ERP29: variants seen among roughly 807,000 people sequenced by gnomAD.
ERP29 encodes endoplasmic reticulum resident protein 29.
Under a neutral mutation model 21.7 loss-of-function variants are expected in ERP29, and 14 were observed. That is an observed-to-expected ratio of 0.64 (90% CI 0.43 to 1.01). The LOEUF (loss-of-function observed/expected upper bound fraction) is 1.01. Ranked by LOEUF, ERP29 falls within the 50% of genes least tolerant of loss-of-function variation. ERP29 has a pLI of 0.00. For missense variants in ERP29, 286 were observed against 327.3 expected (o/e 0.87, Z 0.97); for synonymous variants, 129 against 139.1 (o/e 0.93, Z 0.51).
chr12:112,013,708 T>G (rs1252824593), intron 1 of ERP29, 99 bp downstream of exon 1: 2 of 1,319,164 alleles, frequency 1.5e-6, no homozygotes, highest in Non-Finnish European at 2.0e-6. Flanking sequence ...TGACGGGAGG[T>G]GGTCTGTAGC....
Position 112,022,289 on chromosome 12 carries a change from C to G in ERP29, c.423C>G (p.Ile141Met), listed in dbSNP as rs1165770208. The stretch of plus-strand genomic sequence containing the variant: ...CTGGGGCAGTTAAGGTTGGAGCCAT[C>G]CAGCGCTGGCTGAAGGGGCAAGGGG... ...PYTGAVKVGA[I>M]QRWLKGQGVY... The change falls in exon 3 of 3, where the codon ATC (isoleucine) becomes ATG (methionine). Residue 141 changes from isoleucine (I) to methionine (M), a missense_variant. Transcript: ENST00000261735. 2.5e-6 allele frequency: 4 copies of G among 1,612,686 alleles called. No homozygotes were observed. The South Asian group carries it at 4.4e-5, about 18-fold the overall frequency.
chr12:112,014,799 AGTT>A (rs1214122515), intron 1 of ERP29: 2 of 152,242 alleles, frequency 1.3e-5, no homozygotes, highest in African/African-American at 2.4e-5. Context: ...ACCAAGAAGT[AGTT>A]GTCTCCAGTG....
chr12:112,013,649 G>C (rs1273728010), intron 1 of ERP29, 40 bp downstream of exon 1: 2 of 1,503,458 alleles, frequency 1.3e-6, no homozygotes, highest in African/African-American at 2.8e-5. Context: ...GTGCCGCCGG[G>C]GCGCCCGGAA....
chr12:112,017,783 C>CTTTTTTT (rs1179680378), intron 1 of ERP29, among the ~76,000 whole-genome samples: 3 of 124,150 alleles, frequency 2.4e-5, no homozygotes, highest in East Asian at 2.2e-4. Flanking sequence ...CTTTTTTTTT[C>CTTTTTTT]TTTTTTTTTT....
chr12:112,016,565 G>C lies in ERP29; in HGVS notation c.144+2956G>C, dbSNP rs188349175. On this transcript the variant is annotated intron_variant, in intron 1 of 2. Transcript: ENST00000261735. Reference sequence around the variant, plus strand: ...GTAATGGTAGAGCTGATTCCCACTAGCCCATTGGACACCAAGGGCTGGTAG... The same window carrying C: ...GTAATGGTAGAGCTGATTCCCACTACCCCATTGGACACCAAGGGCTGGTAG... Among the ~76,000 whole-genome samples, 517 of 152,268 alleles carry C rather than the reference G, an allele frequency of 3.4e-3. 1 individual carries two copies. Among genetic ancestry groups the C allele is most frequent in the Non-Finnish European group, 5.3e-3 (358 of 68,022 alleles).
intron 1 of ERP29, chr12:112,018,939 A>G (rs1350044569): frequency 6.6e-6 from 1 of 152,314 alleles, no homozygotes; most frequent in Non-Finnish European, 1.5e-5. Flanking sequence ...CCATCAGAAT[A>G]GACAAATCTA....
intron 1 of ERP29, chr12:112,014,781 G>A (rs2077992108): frequency 6.6e-6 from 1 of 152,272 alleles, no homozygotes; most frequent in Non-Finnish European, 1.5e-5. Flanking sequence ...TCATTGTGGG[G>A]AAGTGAAACC....
rs2136783417 is a variant in ERP29 at position 112,022,949 on chromosome 12, A to C, written c.*297A>C. 3.5e-6 allele frequency: 1 copy of C among 288,428 alleles called. No individual in the cohort carries two copies. Among genetic ancestry groups the C allele is most frequent in the Non-Finnish European group, 6.4e-6 (1 of 155,734 alleles). The allele number at this position is 288,428 out of a possible 1,614,324, so 17.9% of individuals were successfully genotyped here. A position where few individuals can be genotyped will look rare whatever the true frequency, so the allele number is the denominator to read the frequency against. ...TACTGCCCAGGTCTTTGACAGATGT[A>C]ATTCTCATTCAATTAAAGTTTCAGT... On this transcript the variant is annotated 3_prime_UTR_variant, in exon 3 of 3. Coordinates refer to ENST00000261735, the MANE Select transcript of ERP29 (RefSeq NM_006817.4).
chr12:112,022,337 C>T lies in ERP29; in HGVS notation c.471C>T (p.Cys157=). Residue 157 remains cysteine (C), a synonymous_variant, in exon 3 of 3, where the codon TGC becomes TGT. Transcript: ENST00000261735. ...GGGTCTACCTAGGTATGCCTGGTTG[C>T]CTGCCTGTATACGACGCCCTGGCCG... ...GQGVYLGMPG[C]LPVYDALAGE... is the part of the protein sequence containing the mutation. 2 of 1,613,916 alleles carry T rather than the reference C, an allele frequency of 1.2e-6. No homozygotes were observed. Among genetic ancestry groups the T allele is most frequent in the Non-Finnish European group, 1.7e-6 (2 of 1,179,890 alleles).
In ERP29 at chr12:112,023,376, T is replaced by C. The variant is rs2078063436; in HGVS notation, c.*724T>C. 6.6e-6 allele frequency: 1 copy of C among 152,226 alleles called. No individual in the cohort carries two copies. Among genetic ancestry groups the C allele is most frequent in the African/African-American group, 2.4e-5 (1 of 41,458 alleles). The allele number at this position is 152,226 out of a possible 1,614,324, so 9.4% of individuals were successfully genotyped here. On this transcript the variant is annotated 3_prime_UTR_variant, in exon 3 of 3. Coordinates refer to ENST00000261735, the MANE Select transcript of ERP29 (RefSeq NM_006817.4). ...AGTCCGATTTCAAAATTAAAAAATA[T>C]TTTCCATCTAAATCACTATCACTAA...
intron 1 of ERP29, among the ~76,000 whole-genome samples, chr12:112,017,782 T>C (rs2078020509): frequency 7.1e-6 from 1 of 140,472 alleles, no homozygotes; most frequent in African/African-American, 2.9e-5. Flanking sequence ...TCTTTTTTTT[T>C]CTTTTTTTTT....
rs367709685 is a variant in ERP29, at chr12:112,022,583, G to C, written c.717G>C (p.Glu239Asp). The part of the protein sequence containing the change: ...EKNKMSDGKK[E>D]ELQKSLNILT... ...ACAAGATGAGTGACGGGAAGAAGGA[G>C]GAGCTCCAGAAGAGCTTAAACATCC... The change falls in exon 3 of 3, where the codon GAG becomes GAC. Residue 239 changes from glutamate to aspartate, a missense_variant. By Grantham distance (45) the Glu-to-Asp change is conservative. Transcript: ENST00000261735. The C allele has an allele frequency of 1.9e-6, 3 of 1,614,022 alleles. No homozygotes were observed. The highest frequency in any genetic ancestry group is 2.2e-5 in the South Asian group (2 of 91,084).
intron 1 of ERP29, chr12:112,015,203 G>A (rs2078003205): frequency 6.8e-6 from 1 of 147,958 alleles, no homozygotes; most frequent in South Asian, 2.1e-4. Context: ...AAAAAAAAGT[G>A]TGGGCTGGGT....
At chr12:112,020,339 C>T (rs1422586885) in intron 2 of ERP29, among the ~76,000 whole-genome samples, 1 of 152,174 alleles carries the variant, frequency 6.6e-6, no homozygotes, top group Non-Finnish European at 1.5e-5. Flanking sequence ...AAGGGCACCT[C>T]CCAACCACAG....
chr12:112,014,313 G>C (rs983308621), intron 1 of ERP29, among the ~76,000 whole-genome samples: 1 of 152,202 alleles, frequency 6.6e-6, no homozygotes, highest in African/African-American at 2.4e-5. Context: ...TCTCATAGGA[G>C]CACGACCTTT....
Position 112,022,861 on chromosome 12 carries a change from C to T in ERP29, c.*209C>T. 1 of 581,802 alleles carries T rather than the reference C, an allele frequency of 1.7e-6. No individual in the cohort carries two copies. 36.0% of individuals were successfully genotyped at this position (581,802 alleles called of 1,614,324 possible). A position where few individuals can be genotyped will look rare whatever the true frequency, so the allele number is the denominator to read the frequency against. The stretch of plus-strand genomic sequence containing the variant: ...GGTCTGGGGATAGCTGGAGCACTTA[C>T]TCAGGTGGCTGGTGAAATGACACCT... On this transcript the variant is annotated 3_prime_UTR_variant, in exon 3 of 3. Transcript: ENST00000261735.
At chr12:112,017,783 C>CTTT (rs1179680378) in intron 1 of ERP29, among the ~76,000 whole-genome samples, 18 of 124,138 alleles carry the variant, frequency 1.5e-4, no homozygotes, top group African/African-American at 2.9e-4. Context: ...CTTTTTTTTT[C>CTTT]TTTTTTTTTT....
chr12:112,019,927 G>A (rs369014797), intron 2 of ERP29, 33 bp downstream of exon 2: 1 of 1,612,420 alleles, frequency 6.2e-7, no homozygotes, highest in Non-Finnish European at 8.5e-7. Flanking sequence ...TGGGGGGGCA[G>A]AGAGGGAGGA....
At chr12:112,014,191 G>T (rs74777223) in intron 1 of ERP29, among the ~76,000 whole-genome samples, 1,973 of 152,362 alleles carry the variant, frequency 0.013, 50 homozygotes, top group African/African-American at 0.045. Context: ...CCAACCACCA[G>T]GCCCGTCGGT....
Sources: gnomAD v4.1 joint callset for allele counts (sites outside exome capture counted in the v4.1 genomes callset) on GRCh38, gnomAD v4.1.1 for gene constraint, MANE v1.5 for transcripts, NCBI Gene and HGNC (gene_info 2026-07-23, HGNC 2026-07-21) for gene names.